S100Z: variants seen among roughly 807,000 people sequenced by gnomAD.
S100Z encodes protein S100-Z.
A neutral mutation model predicts 8.5 loss-of-function variants in S100Z; 11 were observed. That is an observed-to-expected ratio of 1.30 (90% CI 0.82 to 2.15). S100Z has a LOEUF of 2.15. Ranked by LOEUF, S100Z falls within the 30% of genes most tolerant of loss-of-function variation. S100Z has a pLI of 0.00. For missense variants in S100Z, 126 were observed against 117.9 expected (o/e 1.07, Z -0.32); for synonymous variants, 34 against 43.8 (o/e 0.78, Z 0.89).
intron 4 of S100Z, among the ~76,000 whole-genome samples, chr5:76,882,425 G>A (rs1257478580): frequency 6.6e-6 from 1 of 152,200 alleles, no homozygotes; most frequent in East Asian, 1.9e-4. Context: ...TAGTGTGGGG[G>A]CAGCTTCTAG....
At chr5:76,871,752 C>G (rs1347708989) in intron 2 of S100Z, among the ~76,000 whole-genome samples, 2 of 152,140 alleles carry the variant, frequency 1.3e-5, no homozygotes, top group African/African-American at 2.4e-5. Context: ...GTCTCGAACT[C>G]CTTACCTCAG....
chr5:76,851,291 G>A (rs1166254886), intron 1 of S100Z, among the ~76,000 whole-genome samples: 3 of 152,214 alleles, frequency 2.0e-5, no homozygotes, highest in African/African-American at 7.2e-5. Flanking sequence ...TTAGCCAGGG[G>A]ATGGCAGGGC....
chr5:76,923,927 AC>A (rs904225658), downstream of S100Z, among the ~76,000 whole-genome samples: 6 of 151,196 alleles, frequency 4.0e-5, no homozygotes, highest in Admixed American at 2.6e-4. Flanking sequence ...CTCCTTCCCC[AC>A]CCCCCAATTC....
At chr5:76,941,337 T>G in the S100Z span, among the ~76,000 whole-genome samples, 1 of 152,162 alleles carries the variant, frequency 6.6e-6, no homozygotes, top group Non-Finnish European at 1.5e-5. Context: ...CAGGAAGTAA[T>G]TGAATCATGG....
intron 1 of S100Z, among the ~76,000 whole-genome samples, chr5:76,855,613 T>C (rs999701234): frequency 6.6e-6 from 1 of 152,218 alleles, no homozygotes; most frequent in Admixed American, 6.5e-5. Context: ...CTAATATCTA[T>C]ACCCCCAGTT....
chr5:76,902,946 G>A (rs920066866), intron 4 of S100Z, among the ~76,000 whole-genome samples: 2 of 152,240 alleles, frequency 1.3e-5, no homozygotes, highest in African/African-American at 4.8e-5. Flanking sequence ...AGCACTTTGG[G>A]AGGCTGAGGT....
chr5:76,864,157 A>G (rs1751177003), intron 1 of S100Z, among the ~76,000 whole-genome samples: 2 of 152,150 alleles, frequency 1.3e-5, no homozygotes, highest in Admixed American at 6.5e-5. Flanking sequence ...TGGACCAACC[A>G]CATATATGAC....
the S100Z span, among the ~76,000 whole-genome samples, chr5:76,935,253 G>A: frequency 2.6e-5 from 4 of 152,108 alleles, no homozygotes; most frequent in East Asian, 3.8e-4. Context: ...GTGATGTGTG[G>A]AACAGATGTT....
intron 4 of S100Z, among the ~76,000 whole-genome samples, chr5:76,889,359 T>A (rs551038806): frequency 1.3e-5 from 2 of 152,208 alleles, no homozygotes; most frequent in African/African-American, 4.8e-5. Flanking sequence ...AAGAAAAAAT[T>A]TTTTAAAAAT....
chr5:76,950,790 G>A, the S100Z span, among the ~76,000 whole-genome samples: 1 of 152,076 alleles, frequency 6.6e-6, no homozygotes, highest in African/African-American at 2.4e-5. Context: ...TAAGCTAATT[G>A]TTTGAATGAC....
chr5:76,901,862 C>T (rs1296701170), intron 4 of S100Z, among the ~76,000 whole-genome samples: 1 of 150,958 alleles, frequency 6.6e-6, no homozygotes, highest in Non-Finnish European at 1.5e-5. Context: ...CCAAGGCCCA[C>T]AGTGTAGTAC....
At chr5:76,926,447 T>A (rs1295195843), downstream of S100Z, among the ~76,000 whole-genome samples, 2 of 152,054 alleles carry the variant, frequency 1.3e-5, no homozygotes, top group Admixed American at 1.3e-4. Flanking sequence ...GGCAGTTCAG[T>A]GTGGGAGCTG....
the S100Z span, among the ~76,000 whole-genome samples, chr5:76,940,379 A>C: frequency 6.6e-6 from 1 of 151,388 alleles, no homozygotes; most frequent in African/African-American, 2.4e-5. Context: ...CTATAGGTGA[A>C]TGTGAATGGA....
At chr5:76,940,467 C>T in the S100Z span, among the ~76,000 whole-genome samples, 1 of 151,666 alleles carries the variant, frequency 6.6e-6, no homozygotes, top group Non-Finnish European at 1.5e-5. Flanking sequence ...GGCTGGAGTG[C>T]AGCGGCACGA....
the S100Z span, among the ~76,000 whole-genome samples, chr5:76,947,536 C>T: frequency 1.3e-5 from 2 of 152,096 alleles, no homozygotes; most frequent in Non-Finnish European, 2.9e-5. Context: ...TCGTATGAAA[C>T]CTAAAAGACC....
At chr5:76,915,769 A>T (rs978398002) in intron 4 of S100Z, among the ~76,000 whole-genome samples, 3 of 152,216 alleles carry the variant, frequency 2.0e-5, no homozygotes, top group African/African-American at 4.8e-5. Context: ...ACATGCCCTA[A>T]TTATATGTTC....
At chr5:76,859,921 C>A (rs1347000758) in intron 1 of S100Z, among the ~76,000 whole-genome samples, 5 of 152,140 alleles carry the variant, frequency 3.3e-5, no homozygotes, top group Non-Finnish European at 7.3e-5. Context: ...TGTAACCTAA[C>A]CCAAAACTGG....
At chr5:76,926,347 T>C (rs2150692961), downstream of S100Z, among the ~76,000 whole-genome samples, 1 of 152,310 alleles carries the variant, frequency 6.6e-6, no homozygotes, top group Admixed American at 6.5e-5. Flanking sequence ...TGTACTTTTA[T>C]GTTTGTTTCA....
intron 2 of S100Z, among the ~76,000 whole-genome samples, chr5:76,873,341 A>ACT (rs10689468): frequency 0.69 from 103,308 of 149,550 alleles, 36,761 homozygotes; most frequent in African/African-American, 0.87. Context: ...ACGGAGTCTC[A>ACT]CTGTCACCCA....
Sources: gnomAD v4.1 joint callset for allele counts (sites outside exome capture counted in the v4.1 genomes callset) on GRCh38, gnomAD v4.1.1 for gene constraint, MANE v1.5 for transcripts, NCBI Gene and HGNC (gene_info 2026-07-23, HGNC 2026-07-21) for gene names.